IPO8: variants seen among roughly 807,000 people sequenced by gnomAD.
The protein encoded by IPO8 is importin 8.
Under a neutral mutation model 141.2 loss-of-function variants are expected in IPO8, and 65 were observed. That is an observed-to-expected ratio of 0.46 (90% CI 0.38 to 0.57). IPO8 has a LOEUF of 0.57. Among genes scored for constraint, IPO8 ranks in the 20% least tolerant of loss-of-function variants. The probability of loss-of-function intolerance (pLI) is 0.00; values close to 1 mark genes in which losing one functional copy is unlikely to be tolerated. For missense variants in IPO8, 980 were observed against 1,246.8 expected, an observed-to-expected ratio of 0.79 and a Z score of 3.22; for synonymous variants, 411 against 420.3, an observed-to-expected ratio of 0.98 and a Z score of 0.27.
At chr12:30,641,347 A>C (rs2052571193) in intron 20 of IPO8, among the ~76,000 whole-genome samples, 1 of 152,166 alleles carries the variant, frequency 6.6e-6, no homozygotes, top group Admixed American at 6.6e-5. Flanking sequence ...GGATGAACTA[A>C]AACTAGGGGA....
intron 6 of IPO8, 74 bp downstream of exon 6, chr12:30,676,424 G>A: frequency 1.2e-6 from 1 of 837,610 alleles, no homozygotes; most frequent in Non-Finnish European, 2.0e-6. Context: ...GAGCAGTCAG[G>A]GATAATGCAT....
chr12:30,666,231 A>AAAT lies in IPO8; in HGVS notation c.1164_1165insATT (p.Ala388_Ser389insIle), dbSNP rs2052963818. On this transcript the variant is annotated inframe_insertion, in exon 11 of 25. Coordinates refer to ENST00000256079, the MANE Select transcript of IPO8 (RefSeq NM_006390.4). Reference sequence around the variant, plus strand: ...AGAGTCTGGGCTGCTGTGGTGGGAGAAGCATAATCTTCAAAAATATCTAAG... The same window carrying AAAT: ...AGAGTCTGGGCTGCTGTGGTGGGAGAAATAGCATAATCTTCAAAAATATCTAAG... The AAAT allele has an allele frequency of 6.3e-7, 1 of 1,588,868 alleles. No individual in the cohort carries two copies.
At chr12:30,664,507 G>A (rs1032890863) in intron 13 of IPO8, among the ~76,000 whole-genome samples, 1 of 151,994 alleles carries the variant, frequency 6.6e-6, no homozygotes, top group Non-Finnish European at 1.5e-5. Context: ...AATTTCACAT[G>A]GATTATTAAT....
At chr12:30,636,567 C>A (rs1000684095) in intron 22 of IPO8, among the ~76,000 whole-genome samples, 2 of 151,990 alleles carry the variant, frequency 1.3e-5, no homozygotes, top group African/African-American at 4.8e-5. Flanking sequence ...AAAAAAGACA[C>A]TCTCTACTAA....
At chr12:30,650,926 T>G (rs1162309906) in intron 19 of IPO8, among the ~76,000 whole-genome samples, 4 of 152,002 alleles carry the variant, frequency 2.6e-5, no homozygotes, top group African/African-American at 9.7e-5. Flanking sequence ...TCATAAAGGT[T>G]AATATTATAG....
intron 12 of IPO8, 117 bp from the exon 13 acceptor site, chr12:30,665,426 T>A: frequency 1.4e-6 from 1 of 694,634 alleles, no homozygotes; most frequent in Non-Finnish European, 2.5e-6. Flanking sequence ...GTAAAATTAT[T>A]TGACCTATAT....
rs112502162 is a variant in IPO8, at chr12:30,663,402, A to T, written c.1594+87T>A. ...AAAACCTCAGAATTCCAAACCCTGAACCCTCAGACATGGAGATGCATCTTC... is the reference window on the plus strand; with the variant it reads ...AAAACCTCAGAATTCCAAACCCTGATCCCTCAGACATGGAGATGCATCTTC... On this transcript the variant is annotated intron_variant, in intron 14 of 24. Coordinates refer to ENST00000256079, the MANE Select transcript of IPO8 (RefSeq NM_006390.4). The T allele has an allele frequency of 1.5e-5, 17 of 1,154,940 alleles. No homozygotes were observed. The East Asian group carries it at 4.1e-4, about 28-fold the overall frequency. 71.5% of individuals were successfully genotyped at this position (1,154,940 alleles called of 1,614,324 possible).
At position 30,636,963 on chromosome 12, in the gene IPO8, T is replaced by C; in HGVS notation, c.2695+19A>G. On this transcript the variant is annotated intron_variant, in intron 22 of 24. Transcript: ENST00000256079. ...AATCAAAATCAATTGTAACATTAAT[T>C]TCAATTAGAAGACTTTACCATTTTC... 1 of 1,596,310 alleles carries C rather than the reference T, an allele frequency of 6.3e-7. No homozygotes were observed. Among genetic ancestry groups the C allele is most frequent in the African/African-American group, 1.3e-5 (1 of 74,674 alleles).
At position 30,671,073 on chromosome 12, in the gene IPO8, T is replaced by A. The variant is rs769867730; in HGVS notation, c.933A>T (p.Gln311His). Reference sequence around the variant, plus strand: ...GAGCTACATATTCTTTCTGTCTATATTGATCTAAAATTTTTAGTAGCACCT... The same window carrying A: ...GAGCTACATATTCTTTCTGTCTATAATGATCTAAAATTTTTAGTAGCACCT... ...IQQVLLKILD[Q>H]YRQKEYVAPR... is the part of the protein sequence containing the mutation. Residue 311 changes from glutamine (Q) to histidine (H), a missense_variant, in exon 9 of 25, where the codon CAA becomes CAT. Gln to His is a conservative substitution (Grantham distance 24, BLOSUM62 0). This residue lies in a region of IPO8 where 924 missense variants were observed against 1,153.9 expected (regional missense o/e 0.80). Coordinates refer to ENST00000256079, the MANE Select transcript of IPO8 (RefSeq NM_006390.4). 2 of 1,602,256 alleles carry A rather than the reference T, an allele frequency of 1.2e-6. No individual in the cohort carries two copies. Among genetic ancestry groups the A allele is most frequent in the South Asian group, 2.2e-5 (2 of 90,762 alleles).
chr12:30,651,700 C>T (rs541574845), intron 19 of IPO8, among the ~76,000 whole-genome samples: 9 of 151,956 alleles, frequency 5.9e-5, no homozygotes, highest in Non-Finnish European at 1.2e-4. Flanking sequence ...ATATGGCAGA[C>T]AATCATGTTT....
chr12:30,695,004 T>C lies in IPO8; in HGVS notation c.84+560A>G, dbSNP rs2053323822. ...TTGATGTGTCTTAGATAAAGCAGTA[T>C]CACCATGAAAACTGCCTATTCTTCC... On this transcript the variant is annotated intron_variant, in intron 1 of 24. Coordinates refer to ENST00000256079, the MANE Select transcript of IPO8 (RefSeq NM_006390.4). The surrounding 1 kb of genome is among the most constrained non-coding windows in gnomAD (Gnocchi z 4.2). The C allele has an allele frequency of 6.6e-6, 3 of 455,994 alleles. No homozygotes were observed. Among genetic ancestry groups the C allele is most frequent in the Non-Finnish European group, 1.3e-5 (3 of 226,872 alleles). 28.2% of individuals were successfully genotyped at this position (455,994 alleles called of 1,614,324 possible).
At chr12:30,660,509 G>C (rs2052869702) in intron 16 of IPO8, among the ~76,000 whole-genome samples, 1 of 152,092 alleles carries the variant, frequency 6.6e-6, no homozygotes, top group Non-Finnish European at 1.5e-5. Context: ...CCTGAACTTT[G>C]TTTTCTGCTT....
chr12:30,630,663 A>G lies in IPO8; in HGVS notation c.*197T>C. The stretch of plus-strand genomic sequence containing the variant: ...TTTTCTTTCATTTCATACTTACAGT[A>G]GCTGTTTAAAATATATATTTCAGGG... On this transcript the variant is annotated 3_prime_UTR_variant, in exon 25 of 25. Coordinates refer to ENST00000256079, the MANE Select transcript of IPO8 (RefSeq NM_006390.4). 1.9e-6 allele frequency: 1 copy of G among 532,534 alleles called. No homozygotes were observed. The highest frequency in any genetic ancestry group is 3.3e-6 in the Non-Finnish European group (1 of 302,982). The allele number at this position is 532,534 out of a possible 1,614,324, so 33.0% of individuals were successfully genotyped here. A position where few individuals can be genotyped will look rare whatever the true frequency, so the allele number is the denominator to read the frequency against.
intron 17 of IPO8, among the ~76,000 whole-genome samples, chr12:30,655,672 G>A (rs1449190652): frequency 6.6e-6 from 1 of 152,168 alleles, no homozygotes; most frequent in Non-Finnish European, 1.5e-5. Context: ...TGTCACAAAT[G>A]ACAGGATTTC....
At chr12:30,648,347 T>C (rs2052677018) in intron 20 of IPO8, among the ~76,000 whole-genome samples, 1 of 152,202 alleles carries the variant, frequency 6.6e-6, no homozygotes, top group Non-Finnish European at 1.5e-5. Flanking sequence ...GATGATTACA[T>C]TTACATCAAA....
chr12:30,645,434 A>C (rs1041305028), intron 20 of IPO8, among the ~76,000 whole-genome samples: 2 of 152,116 alleles, frequency 1.3e-5, no homozygotes, highest in Non-Finnish European at 2.9e-5. Flanking sequence ...AAGAAGTGTA[A>C]GCAAACATCT....
At chr12:30,685,267 A>G (rs1188280241) in intron 2 of IPO8, among the ~76,000 whole-genome samples, 1 of 151,616 alleles carries the variant, frequency 6.6e-6, no homozygotes, top group Non-Finnish European at 1.5e-5. Flanking sequence ...AGCCTCCCAA[A>G]TACCTGGGAT....
At chr12:30,633,673 C>G (rs903149607) in intron 23 of IPO8, among the ~76,000 whole-genome samples, 1 of 152,200 alleles carries the variant, frequency 6.6e-6, no homozygotes, top group African/African-American at 2.4e-5. Flanking sequence ...CCTCTTACGG[C>G]AGCAATTTCA....
At chr12:30,638,915 C>T (rs983350867) in intron 21 of IPO8, among the ~76,000 whole-genome samples, 1 of 152,108 alleles carries the variant, frequency 6.6e-6, no homozygotes, top group Non-Finnish European at 1.5e-5. Context: ...TCGTGATCCA[C>T]CCGCCTCGGC....
Sources: allele counts gnomAD v4.1 joint callset (sites outside exome capture counted in the v4.1 genomes callset), GRCh38; gene constraint gnomAD v4.1.1; regional missense constraint gnomAD v4.1.1; non-coding constraint Gnocchi (gnomAD v3.1); transcripts MANE v1.5; gene names NCBI Gene and HGNC (gene_info 2026-07-23, HGNC 2026-07-21).